The following R3HDM1 variants were observed in gnomAD, a reference collection of about 807,000 sequenced individuals.
The protein encoded by R3HDM1 is R3H domain containing 1.
In R3HDM1, 46 loss-of-function variants were observed where a neutral mutation model predicts 141.1. That is an observed-to-expected ratio of 0.33 (90% CI 0.26 to 0.42). The LOEUF is 0.42. R3HDM1 is among the 10% of genes least tolerant of loss of function. The pLI is 1.00. For synonymous variants in R3HDM1, 435 were observed against 472.9 expected (o/e 0.92, Z 1.04); for missense variants, 1,184 against 1,368.3 (o/e 0.87, Z 2.12).
At chr2:135,589,817 AAT>A (rs1283345967) in intron 1 of R3HDM1, among the ~76,000 whole-genome samples, 1 of 152,004 alleles carries the variant, frequency 6.6e-6, no homozygotes, top group Non-Finnish European at 1.5e-5. Flanking sequence ...CACATTATAT[AAT>A]ATATATTATG....
chr2:135,715,799 GCTGC>G, intron 24 of R3HDM1, 105 bp downstream of exon 24: 7 of 1,377,180 alleles, frequency 5.1e-6, no homozygotes, highest in Admixed American at 2.3e-5. Context: ...TTTCCATAGA[GCTGC>G]ATCTTCACCT....
At chr2:135,698,847 G>C (rs2073691621) in intron 21 of R3HDM1, among the ~76,000 whole-genome samples, 2 of 152,064 alleles carry the variant, frequency 1.3e-5, no homozygotes, top group Admixed American at 1.3e-4. Flanking sequence ...ACAGTACCAA[G>C]GGGGAATGGT....
At chr2:135,578,857 CAGATTA>C (rs1462695559) in intron 1 of R3HDM1, among the ~76,000 whole-genome samples, 9 of 152,114 alleles carry the variant, frequency 5.9e-5, no homozygotes, top group Non-Finnish European at 4.4e-5. Context: ...AAAGAAGTTA[CAGATTA>C]AGATAGTAGG....
At chr2:135,644,427 CGGGGGA>C in intron 15 of R3HDM1, among the ~76,000 whole-genome samples, 1 of 152,130 alleles carries the variant, frequency 6.6e-6, no homozygotes, top group Middle Eastern at 3.4e-3. Flanking sequence ...TGCTTGAACC[CGGGGGA>C]GGCTGAGGTT....
At chr2:135,677,901 ACT>A (rs1450712290) in intron 20 of R3HDM1, among the ~76,000 whole-genome samples, 1 of 151,552 alleles carries the variant, frequency 6.6e-6, no homozygotes, top group Non-Finnish European at 1.5e-5. Context: ...ATGCCTGTAC[ACT>A]CTCTAGTAGT....
At chr2:135,549,937 C>A in intron 1 of R3HDM1, 1 of 930,988 alleles carries the variant, frequency 1.1e-6, no homozygotes, top group Non-Finnish European at 1.3e-6. Flanking sequence ...TCCCTTGACA[C>A]AAAGATGTGT....
intron 1 of R3HDM1, among the ~76,000 whole-genome samples, chr2:135,547,812 C>T (rs1231197628): frequency 9.2e-5 from 12 of 130,942 alleles, no homozygotes; most frequent in Non-Finnish European, 1.1e-4. Context: ...CTTGCTCTGT[C>T]GCCCAGGCTA....
chr2:135,636,077 C>T lies in R3HDM1; in HGVS notation c.808-11C>T. On this transcript the variant is annotated splice_polypyrimidine_tract_variant and intron_variant, in intron 10 of 26. Coordinates refer to ENST00000683871, the MANE Select transcript of R3HDM1 (RefSeq NM_001378107.1). ...AGTTCATTTGCCTAAAAATTATCCT[C>T]TTTTCTGTAGATGAGAATACGTTTG... The T allele has an allele frequency of 1.9e-6, 3 of 1,611,718 alleles. No individual in the cohort carries two copies. The highest frequency in any genetic ancestry group is 1.7e-6 in the Non-Finnish European group (2 of 1,179,080).
chr2:135,531,816 C>T, intron 1 of R3HDM1, 183 bp downstream of exon 1: 1 of 985,354 alleles, frequency 1.0e-6, no homozygotes, highest in Non-Finnish European at 1.2e-6. Flanking sequence ...TCTGACGTCC[C>T]GCTGCTGCCA....
intron 21 of R3HDM1, among the ~76,000 whole-genome samples, chr2:135,681,488 CTTTAAAGTATTTA>C (rs1200035628): frequency 6.6e-6 from 1 of 152,110 alleles, no homozygotes; most frequent in African/African-American, 2.4e-5. Flanking sequence ...TAGTCATCTG[CTTTAAAGTATTTA>C]AAGTAGGGTG....
intron 24 of R3HDM1, among the ~76,000 whole-genome samples, chr2:135,716,756 A>G (rs1324344101): frequency 6.6e-6 from 1 of 152,160 alleles, no homozygotes. Context: ...GTTCAAGACC[A>G]GCCTGGCCAA....
At chr2:135,625,933 G>C (rs2061974379) in intron 7 of R3HDM1, among the ~76,000 whole-genome samples, 1 of 152,140 alleles carries the variant, frequency 6.6e-6, no homozygotes, top group Non-Finnish European at 1.5e-5. Context: ...ACAAATATGA[G>C]TAAGTGTTTC....
intron 3 of R3HDM1, among the ~76,000 whole-genome samples, chr2:135,615,258 T>A (rs920560899): frequency 1.3e-5 from 2 of 151,940 alleles, no homozygotes; most frequent in Admixed American, 6.6e-5. Context: ...TTTTTTTTTT[T>A]AATGTAAAGC....
chr2:135,599,606 C>G (rs1246175744), intron 1 of R3HDM1, among the ~76,000 whole-genome samples: 1 of 152,144 alleles, frequency 6.6e-6, no homozygotes, highest in East Asian at 1.9e-4. Flanking sequence ...CCCACACAAC[C>G]TTTGGCAAAC....
intron 1 of R3HDM1, among the ~76,000 whole-genome samples, chr2:135,555,793 A>T (rs1260900479): frequency 6.6e-6 from 1 of 152,214 alleles, no homozygotes; most frequent in Non-Finnish European, 1.5e-5. Flanking sequence ...TGAGATGCCA[A>T]GGCGGGAGGA....
intron 1 of R3HDM1, among the ~76,000 whole-genome samples, chr2:135,552,298 C>T (rs919304589): frequency 4.6e-5 from 7 of 152,026 alleles, no homozygotes; most frequent in Non-Finnish European, 1.0e-4. Context: ...CGAGTTCAAG[C>T]AATTCTCCCC....
intron 3 of R3HDM1, among the ~76,000 whole-genome samples, chr2:135,606,904 A>AT (rs549103038): frequency 0.017 from 1,706 of 99,542 alleles, 18 homozygotes; most frequent in Middle Eastern, 0.061. Context: ...GTATAGCTTC[A>AT]TTTTTTTTTT....
intron 21 of R3HDM1, among the ~76,000 whole-genome samples, chr2:135,694,193 G>A (rs1471646272): frequency 6.6e-6 from 1 of 152,024 alleles, no homozygotes; most frequent in Non-Finnish European, 1.5e-5. Flanking sequence ...GTTTTGAATG[G>A]CTATTGCCAA....
chr2:135,638,989 C>G lies in R3HDM1; in HGVS notation c.1086C>G (p.Ser362Arg). Reference sequence around the variant, plus strand: ...ACTCGGAACCACGACCCTGGAGCAGCACAGATTCAGACAGCTCTCTTCGAA... The same window carrying G: ...ACTCGGAACCACGACCCTGGAGCAGGACAGATTCAGACAGCTCTCTTCGAA... Reference protein sequence around the residue: ...LKYSEPRPWSSTDSDSSLRNL... With the variant: ...LKYSEPRPWSRTDSDSSLRNL... Residue 362 changes from serine to arginine, a missense_variant, in exon 14 of 27, where the codon AGC (serine) becomes AGG (arginine). Coordinates refer to ENST00000683871, the MANE Select transcript of R3HDM1 (RefSeq NM_001378107.1). 1 of 1,614,150 alleles carries G rather than the reference C, an allele frequency of 6.2e-7. No individual in the cohort carries two copies. The highest frequency in any genetic ancestry group is 8.5e-7 in the Non-Finnish European group (1 of 1,180,018).
Sources: gnomAD v4.1 joint callset for allele counts (sites outside exome capture counted in the v4.1 genomes callset) on GRCh38, gnomAD v4.1.1 for gene constraint, MANE v1.5 for transcripts, NCBI Gene and HGNC (gene_info 2026-07-23, HGNC 2026-07-21) for gene names.